Variants in MDGA2 observed in about 807,000 individuals in gnomAD.
MDGA2 encodes the protein MAM domain-containing glycosylphosphatidylinositol anchor protein 2.
A neutral mutation model predicts 117.8 loss-of-function variants in MDGA2; 40 were observed. That is an observed-to-expected ratio of 0.34 (90% CI 0.26 to 0.44). The LOEUF is 0.44. MDGA2 is among the 20% of genes least tolerant of loss of function. MDGA2 has a pLI of 1.00. For synonymous variants in MDGA2, 452 were observed against 439.0 expected, an observed-to-expected ratio of 1.03 and a Z score of -0.37; for missense variants, 1,123 against 1,250.6, an observed-to-expected ratio of 0.90 and a Z score of 1.54.
At chr14:47,359,565 G>A (rs1158947858) in intron 1 of MDGA2, among the ~76,000 whole-genome samples, 2 of 151,868 alleles carry the variant, frequency 1.3e-5, no homozygotes, top group Non-Finnish European at 2.9e-5. Flanking sequence ...CTCCAGTGCT[G>A]TTGGGAAAAC....
At chr14:47,305,592 C>A (rs1889416642) in intron 1 of MDGA2, among the ~76,000 whole-genome samples, 1 of 152,110 alleles carries the variant, frequency 6.6e-6, no homozygotes, top group Non-Finnish European at 1.5e-5. Flanking sequence ...AATTATTCTA[C>A]AATGGCAACA....
At chr14:47,033,517 G>A (rs528015144) in intron 8 of MDGA2, among the ~76,000 whole-genome samples, 1 of 152,232 alleles carries the variant, frequency 6.6e-6, no homozygotes, top group Admixed American at 6.5e-5. Context: ...TTTAGAAAAT[G>A]GGAAGCAGTT....
chr14:47,135,329 A>C (rs1254470927), intron 4 of MDGA2, among the ~76,000 whole-genome samples: 1 of 152,130 alleles, frequency 6.6e-6, no homozygotes, highest in African/African-American at 2.4e-5. Flanking sequence ...ATCCATTATC[A>C]TGGTTCCAAT....
chr14:47,368,109 G>A (rs1316661806), intron 1 of MDGA2, among the ~76,000 whole-genome samples: 5 of 151,162 alleles, frequency 3.3e-5, no homozygotes, highest in Admixed American at 6.6e-5. Context: ...GTGAAACCCC[G>A]TCTGTACTAA....
chr14:47,453,620 G>T (rs1422016254), intron 1 of MDGA2, among the ~76,000 whole-genome samples: 6 of 151,968 alleles, frequency 3.9e-5, no homozygotes, highest in Non-Finnish European at 8.8e-5. Context: ...CCTCATCTAT[G>T]AGCCAAATTG....
intron 8 of MDGA2, among the ~76,000 whole-genome samples, chr14:46,963,360 A>C (rs1271494653): frequency 6.6e-6 from 1 of 152,180 alleles, no homozygotes; most frequent in Non-Finnish European, 1.5e-5. Flanking sequence ...GATTTGTCAA[A>C]TGCGTGTTTA....
chr14:47,172,091 G>A (rs1356438831), intron 3 of MDGA2, among the ~76,000 whole-genome samples: 1 of 152,180 alleles, frequency 6.6e-6, no homozygotes, highest in Non-Finnish European at 1.5e-5. Flanking sequence ...GCAAGGCTGG[G>A]GGAGGGGCAC....
intron 8 of MDGA2, among the ~76,000 whole-genome samples, chr14:47,015,388 T>C (rs28520447): frequency 0.2 from 29,681 of 147,764 alleles, 3,160 homozygotes; most frequent in African/African-American, 0.25. Flanking sequence ...AAACACAGTA[T>C]GTGAAAGGTC....
At chr14:47,530,145 G>T (rs1895064779) in intron 1 of MDGA2, among the ~76,000 whole-genome samples, 2 of 152,158 alleles carry the variant, frequency 1.3e-5, no homozygotes, top group South Asian at 4.1e-4. Context: ...ATAGCTCTGG[G>T]AATGGAATGC....
At chr14:46,848,833 A>T (rs1165408692) in intron 15 of MDGA2, among the ~76,000 whole-genome samples, 1 of 151,976 alleles carries the variant, frequency 6.6e-6, no homozygotes, top group Non-Finnish European at 1.5e-5. Flanking sequence ...TGGTTTGCTG[A>T]ACAACAAAAC....
At chr14:46,996,629 G>T (rs1288207879) in intron 8 of MDGA2, 1 of 153,180 alleles carries the variant, frequency 6.5e-6, no homozygotes, top group Non-Finnish European at 1.5e-5. Flanking sequence ...GAGATAATTA[G>T]ATATTGCAGA....
chr14:47,521,795 C>G (rs1287230780), intron 1 of MDGA2, among the ~76,000 whole-genome samples: 1 of 152,116 alleles, frequency 6.6e-6, no homozygotes, highest in Non-Finnish European at 1.5e-5. Flanking sequence ...CCTCAGCCTC[C>G]CGAGTAGCTG....
intron 1 of MDGA2, among the ~76,000 whole-genome samples, chr14:47,520,168 C>T (rs956304829): frequency 1.4e-4 from 22 of 152,206 alleles, no homozygotes; most frequent in African/African-American, 5.3e-4. Flanking sequence ...ACCTACTTCA[C>T]TTATTCTCAG....
intron 6 of MDGA2, among the ~76,000 whole-genome samples, chr14:47,072,105 G>GGGA (rs1555349476): frequency 1.5e-5 from 2 of 137,086 alleles, no homozygotes; most frequent in East Asian, 4.2e-4. Context: ...GTTGTTTGGG[G>GGGA]GGGGGGGGGT....
chr14:47,070,656 A>G (rs1432850881), intron 6 of MDGA2, among the ~76,000 whole-genome samples: 2 of 152,094 alleles, frequency 1.3e-5, no homozygotes, highest in Non-Finnish European at 2.9e-5. Context: ...CCCAGGCTGG[A>G]GTGCAGTGGT....
intron 7 of MDGA2, among the ~76,000 whole-genome samples, chr14:47,044,737 C>G (rs1044104379): frequency 6.6e-6 from 1 of 152,036 alleles, no homozygotes; most frequent in African/African-American, 2.4e-5. Context: ...AGCAATTGAA[C>G]AGGAAGAAAG....
At chr14:46,869,661 A>G (rs1433270379) in intron 14 of MDGA2, among the ~76,000 whole-genome samples, 4 of 151,876 alleles carry the variant, frequency 2.6e-5, no homozygotes, top group African/African-American at 9.7e-5. Context: ...CCCCTTGGGT[A>G]TGGGCTTGAA....
chr14:47,270,314 T>C (rs1306534005), intron 2 of MDGA2, among the ~76,000 whole-genome samples: 1 of 152,152 alleles, frequency 6.6e-6, no homozygotes, highest in Non-Finnish European at 1.5e-5. Flanking sequence ...CCTGATTGTG[T>C]CTAATAGAAC....
Position 47,595,555 on chromosome 14 carries a change from AAC to A in MDGA2, c.280+78960_280+78961del, listed in dbSNP as rs1411912604. Among the ~76,000 whole-genome samples the A allele has an allele frequency of 2.7e-4, 35 of 131,650 alleles. 1 individual carries two copies. The highest frequency in any genetic ancestry group is 2.1e-3 in the East Asian group (9 of 4,242). The allele number at this position is 131,650 out of a possible 152,430, so 86.4% of individuals were successfully genotyped here. The stretch of plus-strand genomic sequence containing the variant: ...CTAAAAAAACCAAAAAACAAAAAAA[AAC>A]AAAAAAAAAAAAAACCCAGCAACCC... On this transcript the variant is annotated intron_variant, in intron 1 of 16. Coordinates refer to ENST00000399232, the MANE Select transcript of MDGA2 (RefSeq NM_001113498.3).
Sources: allele counts gnomAD v4.1 joint callset (sites outside exome capture counted in the v4.1 genomes callset), GRCh38; gene constraint gnomAD v4.1.1; transcripts MANE v1.5; gene names NCBI Gene and HGNC (gene_info 2026-07-23, HGNC 2026-07-21).